The following CTNS variants were observed in gnomAD, a reference collection of about 807,000 sequenced individuals.
CTNS encodes the protein cystinosin.
A neutral mutation model predicts 43.7 loss-of-function variants in CTNS; 27 were observed. The ratio of observed to expected loss-of-function variants is 0.62; its 90% CI spans 0.46 to 0.85. The LOEUF (loss-of-function observed/expected upper bound fraction) is 0.85, where lower values mean the gene tolerates loss of function less well. Among genes scored for constraint, CTNS ranks in the 40% least tolerant of loss-of-function variants. The probability of loss-of-function intolerance (pLI) is 0.00; values close to 1 mark genes in which losing one functional copy is unlikely to be tolerated. For synonymous variants in CTNS, 187 were observed against 190.6 expected (o/e 0.98, Z 0.16); for missense variants, 457 against 475.4 (o/e 0.96, Z 0.36).
At chr17:3,651,621 G>A (rs532268250) in intron 5 of CTNS, among the ~76,000 whole-genome samples, 1 of 152,220 alleles carries the variant, frequency 6.6e-6, no homozygotes, top group African/African-American at 2.4e-5. Context: ...ATTTCATCAA[G>A]CTGTGATGTG....
At chr17:3,649,633 T>C (rs982923212) in intron 5 of CTNS, among the ~76,000 whole-genome samples, 6 of 152,058 alleles carry the variant, frequency 3.9e-5, no homozygotes, top group African/African-American at 1.4e-4. Context: ...TTAAGGTTTG[T>C]GAAGCCTCAT....
At chr17:3,657,930 A>T (rs1339877276) in intron 9 of CTNS, 75 bp from the exon 10 acceptor site, 1 of 1,570,290 alleles carries the variant, frequency 6.4e-7, no homozygotes, top group East Asian at 2.2e-5. Context: ...AGCCCGCCCT[A>T]TCCGGGGCCG....
At chr17:3,656,430 C>T in intron 7 of CTNS, 57 bp from the exon 8 acceptor site, 1 of 948,926 alleles carries the variant, frequency 1.1e-6, no homozygotes, top group Non-Finnish European at 1.5e-6. Flanking sequence ...CTGCCCTGTC[C>T]CTCCACCCCT....
Position 3,660,344 on chromosome 17 carries a change from G to T in CTNS, c.1079G>T (p.Arg360Ile). 2 of 1,614,228 alleles carry T rather than the reference G, an allele frequency of 1.2e-6. No individual in the cohort carries two copies. The highest frequency in any genetic ancestry group is 1.1e-5 in the South Asian group (1 of 91,088). ...FIQHFCLYRK[R>I]PGYDQLN ...CAGCACTTCTGTTTGTACAGAAAGA[G>T]ACCGGGGTATGACCAGCTGAACTAG... Residue 360 changes from arginine to isoleucine, a missense_variant, in exon 12 of 12, where the codon AGA (arginine) becomes ATA (isoleucine). Arg to Ile is a moderately conservative substitution (Grantham distance 97, BLOSUM62 -3). Transcript: ENST00000046640.
intron 7 of CTNS, chr17:3,655,898 A>C (rs916851633): frequency 7.6e-5 from 19 of 249,692 alleles, no homozygotes; most frequent in African/African-American, 3.8e-4. Context: ...GGAGGAAGGG[A>C]GGAGGGAAGT....
At chr17:3,650,241 T>C in intron 5 of CTNS, 1 of 1,550,582 alleles carries the variant, frequency 6.4e-7, no homozygotes, top group Non-Finnish European at 8.7e-7. Context: ...CAAGATGGGC[T>C]GCAAATCAGC....
At chr17:3,652,169 G>A (rs1361135266) in intron 5 of CTNS, among the ~76,000 whole-genome samples, 1 of 152,108 alleles carries the variant, frequency 6.6e-6, no homozygotes, top group Non-Finnish European at 1.5e-5. Flanking sequence ...AGTGGTCTAG[G>A]AGCCAGGCCT....
rs374590831 is a variant in CTNS, at chr17:3,657,835, A to G, written c.682-170A>G. The stretch of plus-strand genomic sequence containing the variant: ...AGGTGTGATGCTTTCTGTGGTCCAC[A>G]TGTTCCCCTGCCACAACCCCAGTGC... On this transcript the variant is annotated intron_variant, in intron 9 of 11. Transcript: ENST00000046640. 85 of 679,764 alleles carry G rather than the reference A, an allele frequency of 1.3e-4. No individual in the cohort carries two copies. In the African/African-American group the frequency reaches 1.4e-3, roughly 11 times the overall value. The allele number at this position is 679,764 out of a possible 1,614,324, so 42.1% of individuals were successfully genotyped here. A position where few individuals can be genotyped will look rare whatever the true frequency, so the allele number is the denominator to read the frequency against.
intron 5 of CTNS, chr17:3,650,109 C>A: frequency 6.6e-7 from 1 of 1,525,366 alleles, no homozygotes; most frequent in Non-Finnish European, 8.9e-7. Flanking sequence ...ATGCATACAT[C>A]AAAGCATCAC....
intron 10 of CTNS, 97 bp downstream of exon 10, chr17:3,658,272 G>T (rs762144963): frequency 3.3e-5 from 50 of 1,516,000 alleles, no homozygotes; most frequent in Non-Finnish European, 3.6e-5. Flanking sequence ...GCCGGCGTGA[G>T]GAAACAGGAC....
At chr17:3,650,199 G>A in intron 5 of CTNS, 1 of 1,550,480 alleles carries the variant, frequency 6.4e-7, no homozygotes. Flanking sequence ...GGAGAAGAAT[G>A]CAGGGATGAG....
chr17:3,660,574 A>T lies in CTNS; in HGVS notation c.*205A>T. 6.2e-7 allele frequency: 1 copy of T among 1,613,182 alleles called. No individual in the cohort carries two copies. Among genetic ancestry groups the T allele is most frequent in the South Asian group, 1.1e-5 (1 of 91,082 alleles). On this transcript the variant is annotated 3_prime_UTR_variant, in exon 12 of 12. Coordinates refer to ENST00000046640, the MANE Select transcript of CTNS (RefSeq NM_004937.3). Reference sequence around the variant, plus strand: ...CCCTCCTGGGCCTCCCCGGCCAGGCACGTGGCACCGTCGCCTTGACACCGC... The same window carrying T: ...CCCTCCTGGGCCTCCCCGGCCAGGCTCGTGGCACCGTCGCCTTGACACCGC...
intron 3 of CTNS, among the ~76,000 whole-genome samples, chr17:3,646,990 C>G (rs11655515): frequency 0.06 from 9,093 of 152,282 alleles, 285 homozygotes; most frequent in Middle Eastern, 0.12. Flanking sequence ...CCATGTGTCT[C>G]TCTGAGAGTG....
intron 3 of CTNS, among the ~76,000 whole-genome samples, chr17:3,643,138 T>C (rs934215541): frequency 2.2e-4 from 33 of 151,494 alleles, no homozygotes; most frequent in East Asian, 5.9e-4. Flanking sequence ...CATGGTGAAA[T>C]CCCGTCTCTA....
In CTNS at chr17:3,662,670, C is replaced by T. The variant is rs141342020; in HGVS notation, c.*2301C>T. 9.8e-5 allele frequency among the ~76,000 whole-genome samples: 15 copies of T among 152,300 alleles called. No individual in the cohort carries two copies. The highest frequency in any genetic ancestry group is 1.8e-4 in the Non-Finnish European group (12 of 68,022). On this transcript the variant is annotated 3_prime_UTR_variant, in exon 12 of 12. Transcript: ENST00000046640. ...AAGCACACGCACCCCAGGGTCCCACCCCAGTGCTCCCAGACACTCCCACAG... is the reference window on the plus strand; with the variant it reads ...AAGCACACGCACCCCAGGGTCCCACTCCAGTGCTCCCAGACACTCCCACAG...
intron 10 of CTNS, among the ~76,000 whole-genome samples, chr17:3,659,584 G>A (rs2076237460): frequency 6.6e-6 from 1 of 152,230 alleles, no homozygotes; most frequent in Non-Finnish European, 1.5e-5. Flanking sequence ...GACGGGGAAG[G>A]CCGCATCGGC....
intron 2 of CTNS, among the ~76,000 whole-genome samples, chr17:3,639,820 G>A (rs1320405355): frequency 6.6e-6 from 1 of 152,100 alleles, no homozygotes; most frequent in African/African-American, 2.4e-5. Flanking sequence ...TCAAATATCT[G>A]ACCACAGTTT....
In CTNS at chr17:3,661,039, T is replaced by A; in HGVS notation, c.*670T>A. On this transcript the variant is annotated 3_prime_UTR_variant, in exon 12 of 12. Coordinates refer to ENST00000046640, the MANE Select transcript of CTNS (RefSeq NM_004937.3). The stretch of plus-strand genomic sequence containing the variant: ...ATTAGCATAGTAACTCCTTTCAGAT[T>A]TTTTGGAGGGACGTTTGGAAGTGGC... 6.9e-6 allele frequency: 3 copies of A among 436,674 alleles called. No homozygotes were observed. Among genetic ancestry groups the A allele is most frequent in the South Asian group, 6.4e-5 (3 of 46,812 alleles). 27.0% of individuals were successfully genotyped at this position (436,674 alleles called of 1,614,324 possible).
intron 4 of CTNS, chr17:3,647,752 G>A: frequency 3.3e-6 from 2 of 605,612 alleles, no homozygotes; most frequent in South Asian, 3.8e-5. Flanking sequence ...AGGAAGGGGT[G>A]CTTCTCCCAG....
Sources: gnomAD v4.1 joint callset for allele counts (sites outside exome capture counted in the v4.1 genomes callset) on GRCh38, gnomAD v4.1.1 for gene constraint, MANE v1.5 for transcripts, NCBI Gene and HGNC (gene_info 2026-07-23, HGNC 2026-07-21) for gene names.